Variants in ABCC4 observed in about 807,000 individuals in gnomAD.
ABCC4 encodes ATP-binding cassette sub-family C member 4.
In ABCC4, 102 loss-of-function variants were observed where a neutral mutation model predicts 168.5. The ratio of observed to expected loss-of-function variants is 0.61; its 90% CI spans 0.52 to 0.71. The LOEUF (loss-of-function observed/expected upper bound fraction) is 0.71. ABCC4 is among the 30% of genes least tolerant of loss of function. The pLI, the probability that ABCC4 is intolerant of heterozygous loss-of-function variation, is 0.00. For missense variants in ABCC4, 1,402 were observed against 1,605.8 expected (o/e 0.87, Z 2.17); for synonymous variants, 617 against 590.7 (o/e 1.04, Z -0.65).
At chr13:95,131,926 T>C (rs1247721649) in intron 19 of ABCC4, among the ~76,000 whole-genome samples, 1 of 152,032 alleles carries the variant, frequency 6.6e-6, no homozygotes, top group Non-Finnish European at 1.5e-5. Flanking sequence ...AATTACCGCA[T>C]GATCCAGCAA....
chr13:95,177,122 T>C (rs985845155), intron 13 of ABCC4, among the ~76,000 whole-genome samples: 14 of 150,974 alleles, frequency 9.3e-5, no homozygotes, highest in African/African-American at 3.2e-4. Flanking sequence ...GAAGCAACAT[T>C]AGATTCTTGA....
At chr13:95,083,814 C>T (rs2034177219) in intron 20 of ABCC4, among the ~76,000 whole-genome samples, 1 of 152,182 alleles carries the variant, frequency 6.6e-6, no homozygotes, top group South Asian at 2.1e-4. Flanking sequence ...TGAGCCACCA[C>T]ACCAGGCCCC....
intron 1 of ABCC4, among the ~76,000 whole-genome samples, chr13:95,291,892 G>A (rs1301228192): frequency 6.6e-6 from 1 of 152,126 alleles, no homozygotes; most frequent in Non-Finnish European, 1.5e-5. Flanking sequence ...GTTGCAGTGA[G>A]CCAAGATCAT....
rs560902925 is a variant in ABCC4 at position 95,081,010 on chromosome 13, C to G, written c.2686+2130G>C. 1.0e-4 allele frequency among the ~76,000 whole-genome samples: 15 copies of G among 148,012 alleles called. No homozygotes were observed. In the South Asian group the frequency reaches 3.1e-3, roughly 31 times the overall value. On this transcript the variant is annotated intron_variant, in intron 21 of 30. Transcript: ENST00000645237. ...GTGACTTATGGCAGAGACCCACCAC[C>G]CTGGACGAATAACAGTAAATAGTTC... is the stretch of plus-strand genomic sequence containing the variant.
At chr13:95,158,695 T>C (rs1325790398) in intron 19 of ABCC4, among the ~76,000 whole-genome samples, 2 of 152,184 alleles carry the variant, frequency 1.3e-5, no homozygotes, top group Admixed American at 1.3e-4. Flanking sequence ...CAGATACTTA[T>C]ACATATTTAA....
At chr13:95,188,412 AGTGGG>A (rs1296636596) in intron 10 of ABCC4, 36 bp downstream of exon 10, 1 of 1,565,846 alleles carries the variant, frequency 6.4e-7, no homozygotes, top group African/African-American at 1.4e-5. Flanking sequence ...TAATATGATA[AGTGGG>A]GTTGCAACAA....
At chr13:95,189,049 C>T (rs2038163421) in intron 9 of ABCC4, among the ~76,000 whole-genome samples, 1 of 151,900 alleles carries the variant, frequency 6.6e-6, no homozygotes, top group Non-Finnish European at 1.5e-5. Flanking sequence ...TCCCCTTGCC[C>T]CCCACCCACC....
At chr13:95,195,696 C>T (rs937941604) in intron 8 of ABCC4, among the ~76,000 whole-genome samples, 4 of 152,090 alleles carry the variant, frequency 2.6e-5, no homozygotes, top group African/African-American at 4.8e-5. Flanking sequence ...AAGCATGGCA[C>T]GATCTCGGTT....
At chr13:95,210,947 G>C (rs2038938822) in intron 4 of ABCC4, among the ~76,000 whole-genome samples, 166 bp from the exon 5 acceptor site, 1 of 150,576 alleles carries the variant, frequency 6.6e-6, no homozygotes, top group Non-Finnish European at 1.5e-5. Context: ...AGCACCTTTA[G>C]TGGTGGCAGC....
At chr13:95,075,252 T>C (rs2033857126) in intron 22 of ABCC4, 180 bp downstream of exon 22, 1 of 740,392 alleles carries the variant, frequency 1.4e-6, no homozygotes, top group Admixed American at 2.7e-5. Flanking sequence ...GCAGCAGCGA[T>C]TCCGAGAGGA....
chr13:95,041,917 T>C (rs923181739), intron 29 of ABCC4, among the ~76,000 whole-genome samples: 19 of 152,006 alleles, frequency 1.2e-4, no homozygotes, highest in Admixed American at 6.6e-4. Context: ...TTAAGAAAAA[T>C]TGGAAAATAG....
intron 1 of ABCC4, among the ~76,000 whole-genome samples, chr13:95,256,757 C>G (rs1163870106): frequency 6.9e-6 from 1 of 143,948 alleles, no homozygotes; most frequent in Non-Finnish European, 1.5e-5. Context: ...GACCCTGTCT[C>G]AAAAAAAAAG....
chr13:95,193,105 G>T (rs1334345108), intron 9 of ABCC4, among the ~76,000 whole-genome samples: 1 of 152,190 alleles, frequency 6.6e-6, no homozygotes, highest in Non-Finnish European at 1.5e-5. Flanking sequence ...ACATGAAACA[G>T]GGAGTGCAAT....
At position 95,257,438 on chromosome 13, in the gene ABCC4, C is replaced by A. The variant is rs535282449; in HGVS notation, c.75-9685G>T. Among the ~76,000 whole-genome samples, 170 of 152,146 alleles carry A rather than the reference C, an allele frequency of 1.1e-3. 1 individual carries two copies. The highest frequency in any genetic ancestry group is 3.4e-3 in the Middle Eastern group (1 of 294). ...ATCCCAGCACTTTGGGAGGCCGAGG[C>A]GGGTGGATCACTTGGGGTCAGGAGT... On this transcript the variant is annotated intron_variant, in intron 1 of 30. Coordinates refer to ENST00000645237, the MANE Select transcript of ABCC4 (RefSeq NM_005845.5).
At chr13:95,075,720 A>T in intron 21 of ABCC4, 169 bp from the exon 22 acceptor site, 1 of 778,128 alleles carries the variant, frequency 1.3e-6, no homozygotes, top group South Asian at 2.0e-5. Flanking sequence ...GGACCCTGCC[A>T]CTGGAATCTC....
chr13:95,161,618 C>G (rs1333659117), intron 18 of ABCC4: 1 of 197,392 alleles, frequency 5.1e-6, no homozygotes, highest in Non-Finnish European at 1.0e-5. Context: ...ATTAAAAACT[C>G]AGAAGTAGGA....
At chr13:95,126,535 G>C (rs1294577189) in intron 19 of ABCC4, among the ~76,000 whole-genome samples, 2 of 151,450 alleles carry the variant, frequency 1.3e-5, no homozygotes, top group Non-Finnish European at 2.9e-5. Context: ...AAGACAATGG[G>C]CCCTCCCACT....
chr13:95,048,173 A>T (rs964126592), intron 27 of ABCC4, among the ~76,000 whole-genome samples: 5 of 152,246 alleles, frequency 3.3e-5, no homozygotes, highest in African/African-American at 1.2e-4. Flanking sequence ...ATATCATAAC[A>T]TTATACTTTA....
chr13:95,253,387 A>G (rs2040315277), intron 1 of ABCC4, among the ~76,000 whole-genome samples: 1 of 152,084 alleles, frequency 6.6e-6, no homozygotes, highest in African/African-American at 2.4e-5. Flanking sequence ...CTGCTAAGCC[A>G]ACAACATGCT....
Sources: gnomAD v4.1 joint callset for allele counts (sites outside exome capture counted in the v4.1 genomes callset) on GRCh38, gnomAD v4.1.1 for gene constraint, MANE v1.5 for transcripts, NCBI Gene and HGNC (gene_info 2026-07-23, HGNC 2026-07-21) for gene names.